The following TCERG1 variants were observed in gnomAD, a reference collection of about 807,000 sequenced individuals.
TCERG1 encodes TATA box binding protein (TBP)-associated factor, RNA polymerase II, S, 150kD.
Under a neutral mutation model 144.7 loss-of-function variants are expected in TCERG1, and 37 were observed. The ratio of observed to expected loss-of-function variants is 0.26; its 90% CI spans 0.20 to 0.34. The LOEUF is 0.34. Ranked by LOEUF, TCERG1 falls within the 10% of genes least tolerant of loss-of-function variation. The pLI is 1.00. For missense variants in TCERG1, 1,027 were observed against 1,380.7 expected (o/e 0.74, Z 4.06); for synonymous variants, 492 against 458.2 (o/e 1.07, Z -0.94).
chr5:146,510,433 T>TA lies in TCERG1; in HGVS notation c.3147-7dup, dbSNP rs1470969738. The TA allele has an allele frequency of 6.2e-7, 1 of 1,606,414 alleles. No individual in the cohort carries two copies. The highest frequency in any genetic ancestry group is 8.5e-7 in the Non-Finnish European group (1 of 1,173,360). ...CAGTAATTCTTGGACTTCTTTTTCT[T>TA]ATTTCAGATCCAAAAAATTAATCCA... On this transcript the variant is annotated splice_polypyrimidine_tract_variant and splice_region_variant and intron_variant, in intron 22 of 22. Coordinates refer to ENST00000679501, the MANE Select transcript of TCERG1 (RefSeq NM_001382548.1).
At chr5:146,466,150 A>G (rs1402031746) in intron 5 of TCERG1, among the ~76,000 whole-genome samples, 2 of 152,180 alleles carry the variant, frequency 1.3e-5, no homozygotes, top group East Asian at 3.8e-4. Flanking sequence ...TTAGTAAAAA[A>G]CAAGGACAAA....
intron 1 of TCERG1, 135 bp from the exon 2 acceptor site, chr5:146,454,921 C>T (rs1227680949): frequency 1.2e-5 from 11 of 897,474 alleles, no homozygotes; most frequent in East Asian, 7.9e-5. Flanking sequence ...TTTATCATGA[C>T]GGTTGCAAAA....
In TCERG1 at chr5:146,510,584, G is replaced by A. The variant is rs756667467; in HGVS notation, c.3290G>A (p.Arg1097His). The A allele has an allele frequency of 1.2e-6, 2 of 1,614,042 alleles. No individual in the cohort carries two copies. The highest frequency in any genetic ancestry group is 1.1e-5 in the South Asian group (1 of 91,070). Residue 1097 changes from arginine to histidine, a missense_variant, in exon 23 of 23, where the codon CGC (arginine) becomes CAC (histidine). Coordinates refer to ENST00000679501, the MANE Select transcript of TCERG1 (RefSeq NM_001382548.1). The stretch of plus-strand genomic sequence containing the variant: ...GTGGCATATGTTGATGACCTGGATC[G>A]CCGGGGTCCACCCCCACCTCCCACA... ...LIVAYVDDLD[R>H]RGPPPPPTAS...
At chr5:146,502,152 TCCCAAACTGC>T (rs1417899048) in intron 17 of TCERG1, among the ~76,000 whole-genome samples, 2 of 152,142 alleles carry the variant, frequency 1.3e-5, no homozygotes, top group Admixed American at 1.3e-4. Context: ...CACCTCAGCC[TCCCAAACTGC>T]TGGGATTACA....
chr5:146,447,388 A>AT lies in TCERG1; in HGVS notation c.41dup (p.Asn15GlnfsTer59). On this transcript the variant is annotated frameshift_variant, in exon 1 of 23. Coordinates refer to ENST00000679501, the MANE Select transcript of TCERG1 (RefSeq NM_001382548.1). LOFTEE classifies it high-confidence loss of function. ...GCGGGGACGGGGGCGAGAGTGAACG[A>AT]TTCAACCCGGGGGAGCTCAGGTAAG... 1 of 1,611,672 alleles carries AT rather than the reference A, an allele frequency of 6.2e-7. No homozygotes were observed. Among genetic ancestry groups the AT allele is most frequent in the Non-Finnish European group, 8.5e-7 (1 of 1,179,116 alleles).
chr5:146,491,070 T>C (rs951934570), intron 15 of TCERG1, among the ~76,000 whole-genome samples: 1 of 152,130 alleles, frequency 6.6e-6, no homozygotes, highest in African/African-American at 2.4e-5. Context: ...TAGGGCTCTA[T>C]TTTTCATGTT....
At chr5:146,487,459 A>C (rs1765948491) in intron 15 of TCERG1, among the ~76,000 whole-genome samples, 1 of 152,136 alleles carries the variant, frequency 6.6e-6, no homozygotes, top group South Asian at 2.1e-4. Context: ...TGGAAGAAAA[A>C]AATCTGGATA....
chr5:146,499,147 G>A (rs1456732171), intron 17 of TCERG1, among the ~76,000 whole-genome samples: 1 of 152,160 alleles, frequency 6.6e-6, no homozygotes, highest in Non-Finnish European at 1.5e-5. Context: ...AGCTATTAAA[G>A]ATTAATGAAT....
intron 15 of TCERG1, among the ~76,000 whole-genome samples, chr5:146,485,188 T>A (rs946285939): frequency 6.6e-6 from 1 of 152,214 alleles, no homozygotes; most frequent in African/African-American, 2.4e-5. Flanking sequence ...TGGTGTTTGC[T>A]ATTCCTTCTG....
At chr5:146,471,106 A>G (rs1009441907) in intron 8 of TCERG1, among the ~76,000 whole-genome samples, 2 of 152,234 alleles carry the variant, frequency 1.3e-5, no homozygotes, top group African/African-American at 4.8e-5. Flanking sequence ...CTTGCATAGC[A>G]TGATCCATGT....
intron 19 of TCERG1, among the ~76,000 whole-genome samples, chr5:146,504,988 G>C (rs1057478695): frequency 6.6e-6 from 1 of 151,730 alleles, no homozygotes; most frequent in Admixed American, 6.6e-5. Flanking sequence ...GGAGGCTGCC[G>C]TGAGCCGAGA....
chr5:146,450,529 A>G (rs1220194700), intron 1 of TCERG1, among the ~76,000 whole-genome samples: 1 of 152,234 alleles, frequency 6.6e-6, no homozygotes, highest in Non-Finnish European at 1.5e-5. Flanking sequence ...TCCTAATGTT[A>G]CAGAAACAGT....
chr5:146,465,490 T>A (rs1361837120), intron 5 of TCERG1, among the ~76,000 whole-genome samples: 6 of 152,176 alleles, frequency 3.9e-5, no homozygotes, highest in Non-Finnish European at 8.8e-5. Context: ...TTTGATGTCA[T>A]ATTTTCCCCA....
chr5:146,465,493 T>G (rs1454698535), intron 5 of TCERG1, among the ~76,000 whole-genome samples: 2 of 152,132 alleles, frequency 1.3e-5, no homozygotes, highest in Non-Finnish European at 2.9e-5. Context: ...GATGTCATAT[T>G]TTCCCCAAAA....
At chr5:146,452,659 G>A (rs1410031751) in intron 1 of TCERG1, among the ~76,000 whole-genome samples, 2 of 152,102 alleles carry the variant, frequency 1.3e-5, no homozygotes, top group African/African-American at 2.4e-5. Context: ...GCACAATCTC[G>A]GCTCACTGCA....
At chr5:146,461,672 C>G (rs1350632940) in intron 4 of TCERG1, among the ~76,000 whole-genome samples, 1 of 152,088 alleles carries the variant, frequency 6.6e-6, no homozygotes, top group Non-Finnish European at 1.5e-5. Flanking sequence ...ATTTTCCTGA[C>G]TATAGTACTT....
chr5:146,506,973 A>G (rs751697086), intron 19 of TCERG1, 55 bp from the exon 20 acceptor site: 752 of 1,441,594 alleles, frequency 5.2e-4, no homozygotes, highest in Non-Finnish European at 6.6e-4. Flanking sequence ...TGGAAGTGCA[A>G]ATGGACATTC....
intron 16 of TCERG1, among the ~76,000 whole-genome samples, chr5:146,495,201 T>G (rs980811601): frequency 3.9e-5 from 6 of 152,152 alleles, no homozygotes; most frequent in African/African-American, 1.4e-4. Flanking sequence ...AGACCAGAAG[T>G]CTTTTGGATT....
intron 1 of TCERG1, among the ~76,000 whole-genome samples, chr5:146,449,034 A>T (rs1762135522): frequency 2.0e-5 from 3 of 152,242 alleles, no homozygotes; most frequent in Admixed American, 2.0e-4. Flanking sequence ...TTTATACCGT[A>T]GCCTCTTGGA....
Sources: allele counts gnomAD v4.1 joint callset (sites outside exome capture counted in the v4.1 genomes callset), GRCh38; gene constraint gnomAD v4.1.1; transcripts MANE v1.5; gene names NCBI Gene and HGNC (gene_info 2026-07-23, HGNC 2026-07-21).